GGACT: variants seen among roughly 807,000 people sequenced by gnomAD.
GGACT encodes the protein gamma-glutamylaminecyclotransferase.
For missense variants in GGACT, 241 were observed against 233.2 expected (o/e 1.03, Z -0.22); for synonymous variants, 118 against 115.3 (o/e 1.02, Z -0.15).
intron 1 of GGACT, among the ~76,000 whole-genome samples, chr13:100,585,822 CAAAAAAAAAAA>C (rs550006144): frequency 0.075 from 2,219 of 29,674 alleles, 66 homozygotes; most frequent in East Asian, 0.29. Context: ...CTGTCTCCAC[CAAAAAAAAAAA>C]AAAAAAAAAA....
intron 2 of GGACT, among the ~76,000 whole-genome samples, chr13:100,556,543 C>A (rs2088709761): frequency 6.6e-6 from 1 of 151,714 alleles, no homozygotes; most frequent in Non-Finnish European, 1.5e-5. Context: ...TGTTAATTCT[C>A]CCCAAATTGA....
chr13:100,565,747 G>A (rs1342801227), intron 2 of GGACT, among the ~76,000 whole-genome samples: 1 of 152,104 alleles, frequency 6.6e-6, no homozygotes, highest in African/African-American at 2.4e-5. Flanking sequence ...ATGTGCCCCT[G>A]CCTGTCCAGC....
chr13:100,542,393 C>T (rs998438868), intron 2 of GGACT, among the ~76,000 whole-genome samples: 4 of 152,188 alleles, frequency 2.6e-5, no homozygotes, highest in Non-Finnish European at 4.4e-5. Context: ...ATCCAGTCCA[C>T]GAAAGTAAAT....
At chr13:100,573,175 G>A (rs975393368) in intron 2 of GGACT, among the ~76,000 whole-genome samples, 3 of 152,070 alleles carry the variant, frequency 2.0e-5, no homozygotes, top group African/African-American at 7.2e-5. Context: ...CAGTCCACTG[G>A]ACTTAGCTCT....
rs566812914 is a variant in GGACT, at chr13:100,546,777, G to T, written c.-10-14176C>A. ...GAGGCTGAGCTGCGAGTCAGCAGAGGAAAGGGCTGCCGCCTCTTCTAGGTC... is the reference window on the plus strand; with the variant it reads ...GAGGCTGAGCTGCGAGTCAGCAGAGTAAAGGGCTGCCGCCTCTTCTAGGTC... On this transcript the variant is annotated intron_variant, in intron 2 of 2. Transcript: ENST00000683975. Among the ~76,000 whole-genome samples the T allele has an allele frequency of 8.5e-5, 13 of 152,372 alleles. No homozygotes were observed. In the South Asian group the frequency reaches 2.7e-3, roughly 32 times the overall value.
At position 100,530,258 on chromosome 13, in the gene GGACT, C is replaced by G; in HGVS notation, c.*1872G>C. The G allele has an allele frequency of 9.9e-7, 1 of 1,008,708 alleles. No homozygotes were observed. The highest frequency in any genetic ancestry group is 1.6e-6 in the Non-Finnish European group (1 of 637,238). The allele number at this position is 1,008,708 out of a possible 1,614,324, so 62.5% of individuals were successfully genotyped here. A position where few individuals can be genotyped will look rare whatever the true frequency, so the allele number is the denominator to read the frequency against. On this transcript the variant is annotated 3_prime_UTR_variant, in exon 3 of 3. Coordinates refer to ENST00000683975, the MANE Select transcript of GGACT (RefSeq NM_001195087.2). ...TTGATTCAAGCATTATACAGGAACACCCCTGTGCAGCTACGTTTACGTCGT... is the reference window on the plus strand; with the variant it reads ...TTGATTCAAGCATTATACAGGAACAGCCCTGTGCAGCTACGTTTACGTCGT...
intron 2 of GGACT, among the ~76,000 whole-genome samples, chr13:100,560,225 C>T (rs779766874): frequency 6.6e-6 from 1 of 152,058 alleles, no homozygotes; most frequent in Non-Finnish European, 1.5e-5. Flanking sequence ...TTTAAAAAAA[C>T]GCACTGAACT....
Position 100,585,000 on chromosome 13 carries a change from G to C in GGACT, c.-183-1003C>G, listed in dbSNP as rs571968728. ...TCAGATAAATTTAGATTTAAAAAAA[G>C]TCAAACCACTTCTGAAGTAGACTTG... On this transcript the variant is annotated intron_variant, in intron 1 of 2. Transcript: ENST00000683975. Among the ~76,000 whole-genome samples the C allele has an allele frequency of 1.4e-4, 21 of 152,280 alleles. No homozygotes were observed. The South Asian group carries it at 2.9e-3, about 21-fold the overall frequency.
rs557468514 is a variant in GGACT, at chr13:100,534,473, T to TGGGGAAAACGAGCG, written c.-10-1873_-10-1872insCGCTCGTTTTCCCC. Among the ~76,000 whole-genome samples the TGGGGAAAACGAGCG allele has an allele frequency of 3.4e-3, 523 of 152,176 alleles. 1 individual carries two copies. Among genetic ancestry groups the TGGGGAAAACGAGCG allele is most frequent in the African/African-American group, 0.012 (508 of 41,518 alleles). On this transcript the variant is annotated intron_variant, in intron 2 of 2. Coordinates refer to ENST00000683975, the MANE Select transcript of GGACT (RefSeq NM_001195087.2). This position sits in a 1 kb window ranked among gnomAD's most constrained non-coding sequence, Gnocchi z 4.9. ...CCTAAAATTGCCAGGACTCGGCTGC[T>TGGGGAAAACGAGCG]GGGGTGTACGTGAAAATGACAAAAG...
At chr13:100,570,489 G>A (rs887987115) in intron 2 of GGACT, among the ~76,000 whole-genome samples, 27 of 152,262 alleles carry the variant, frequency 1.8e-4, no homozygotes, top group Admixed American at 1.2e-3. Flanking sequence ...GGGGGGAACC[G>A]CTGCCATGAT....
At chr13:100,555,481 G>A (rs914998636) in intron 2 of GGACT, among the ~76,000 whole-genome samples, 1 of 152,088 alleles carries the variant, frequency 6.6e-6, no homozygotes, top group Non-Finnish European at 1.5e-5. Flanking sequence ...AGTGAGCTGT[G>A]ATTGTGCCAT....
intron 2 of GGACT, among the ~76,000 whole-genome samples, chr13:100,556,656 G>A (rs1254300281): frequency 6.6e-6 from 1 of 151,996 alleles, no homozygotes; most frequent in Admixed American, 6.6e-5. Context: ...CTTAAAGAGT[G>A]TAACTGGATT....
intron 1 of GGACT, chr13:100,587,060 T>A (rs781181793): frequency 6.6e-6 from 1 of 152,268 alleles, no homozygotes; most frequent in Non-Finnish European, 1.5e-5. Context: ...TTCGTGTTTC[T>A]GTCCTCTTAC....
chr13:100,587,191 CAATGACTTCACTTCAAG>C (rs758492583), intron 1 of GGACT: 1 of 152,156 alleles, frequency 6.6e-6, no homozygotes, highest in Non-Finnish European at 1.5e-5. Flanking sequence ...CAAAGCCTCC[CAATGACTTCACTTCAAG>C]AATGGACACA....
At chr13:100,539,691 A>G (rs931413139) in intron 2 of GGACT, 21 of 586,738 alleles carry the variant, frequency 3.6e-5, no homozygotes, top group Non-Finnish European at 6.2e-5. Context: ...TGGCCTTAGT[A>G]TCAGGGTGAT....
chr13:100,532,708 G>A, intron 2 of GGACT, 107 bp from the exon 3 acceptor site: 5 of 815,852 alleles, frequency 6.1e-6, no homozygotes, highest in Middle Eastern at 3.6e-4. Context: ...CGCACCACCT[G>A]AATGCGCCTG....
intron 2 of GGACT, chr13:100,580,061 G>C (rs535079390): frequency 7.2e-5 from 11 of 152,204 alleles, no homozygotes; most frequent in Admixed American, 7.2e-4. Context: ...GGTCTGCCTC[G>C]GTGTATAAGA....
At chr13:100,549,371 C>T (rs2153013888) in intron 2 of GGACT, among the ~76,000 whole-genome samples, 1 of 152,364 alleles carries the variant, frequency 6.6e-6, no homozygotes, top group African/African-American at 2.4e-5. Context: ...ACCCATGTGG[C>T]CCTACCTGCT....
chr13:100,573,246 A>C (rs955241787), intron 2 of GGACT, among the ~76,000 whole-genome samples: 7 of 152,250 alleles, frequency 4.6e-5, no homozygotes, highest in East Asian at 1.9e-4. Flanking sequence ...GGCAGCAGCT[A>C]TATTAGTCTG....
Sources: allele counts gnomAD v4.1 joint callset (sites outside exome capture counted in the v4.1 genomes callset), GRCh38; gene constraint gnomAD v4.1.1; non-coding constraint Gnocchi (gnomAD v3.1); transcripts MANE v1.5; gene names NCBI Gene and HGNC (gene_info 2026-07-23, HGNC 2026-07-21).